The following POFUT4 variants were observed in gnomAD, a reference collection of about 807,000 sequenced individuals.
POFUT4 encodes the protein GDP-fucose protein O-fucosyltransferase 4.
the POFUT4 span, chr10:73,775,818 C>G: frequency 1.0e-6 from 1 of 961,456 alleles, no homozygotes. Flanking sequence ...CCAGTTTTAT[C>G]TATTAAGATT....
the POFUT4 span, among the ~76,000 whole-genome samples, chr10:73,776,749 G>A: frequency 6.6e-6 from 1 of 152,006 alleles, no homozygotes; most frequent in Non-Finnish European, 1.5e-5. Context: ...GCATGATCTC[G>A]GGTCACTGCA....
At chr10:73,774,634 A>G in the POFUT4 span, 9 of 152,186 alleles carry the variant, frequency 5.9e-5, no homozygotes, top group African/African-American at 1.7e-4. Flanking sequence ...TAGGAGTTCA[A>G]TGCTGTAGTG....
the POFUT4 span, among the ~76,000 whole-genome samples, chr10:73,776,383 A>ATT: frequency 2.2e-5 from 3 of 138,426 alleles, no homozygotes; most frequent in South Asian, 2.3e-4. Context: ...CCCAGCCCTA[A>ATT]TTTTTTTTTT....
chr10:73,777,835 G>A, the POFUT4 span, among the ~76,000 whole-genome samples: 94 of 151,130 alleles, frequency 6.2e-4, no homozygotes, highest in Middle Eastern at 3.5e-3. Context: ...GATTACAGGC[G>A]TGAGCCACCG....
At chr10:73,776,349 G>C in the POFUT4 span, 2 of 151,786 alleles carry the variant, frequency 1.3e-5, no homozygotes, top group Admixed American at 1.3e-4. Flanking sequence ...CAGAGTGCTG[G>C]GTTTACAGGC....
chr10:73,773,237 G>C, the POFUT4 span: 3 of 1,613,560 alleles, frequency 1.9e-6, no homozygotes, highest in African/African-American at 1.3e-5. Flanking sequence ...TGCCTACCGC[G>C]CGGCTACAGG....
the POFUT4 span, chr10:73,775,550 G>T: frequency 6.2e-7 from 1 of 1,614,224 alleles, no homozygotes; most frequent in Non-Finnish European, 8.5e-7. Flanking sequence ...GTTGGAAAGA[G>T]ATGTGGCTGC....
chr10:73,773,675 G>C, the POFUT4 span: 1 of 1,614,230 alleles, frequency 6.2e-7, no homozygotes, highest in Admixed American at 1.7e-5. Context: ...AACTGGCTCG[G>C]CTGGATGCCG....
the POFUT4 span, chr10:73,773,173 T>C: frequency 6.3e-7 from 1 of 1,594,602 alleles, no homozygotes; most frequent in Non-Finnish European, 8.5e-7. Flanking sequence ...ATGACAGCCT[T>C]ACTGTACCCG....
the POFUT4 span, chr10:73,773,945 G>T: frequency 2.9e-6 from 3 of 1,027,204 alleles, no homozygotes; most frequent in South Asian, 3.4e-5. Flanking sequence ...TGTATTTAAG[G>T]TGTCAACAGT....
chr10:73,776,830 C>A, the POFUT4 span, among the ~76,000 whole-genome samples: 1 of 152,128 alleles, frequency 6.6e-6, no homozygotes, highest in Non-Finnish European at 1.5e-5. Flanking sequence ...CAGGCATGCA[C>A]CACCACGCCC....
the POFUT4 span, chr10:73,773,614 C>T: frequency 6.2e-7 from 1 of 1,614,236 alleles, no homozygotes; most frequent in Non-Finnish European, 8.5e-7. Flanking sequence ...GTGAATGATC[C>T]TTTGCTGCCT....
chr10:73,779,757 TA>T, the POFUT4 span: 2 of 152,294 alleles, frequency 1.3e-5, no homozygotes, highest in African/African-American at 4.8e-5. Flanking sequence ...AAGTGATGGT[TA>T]AGCAAGGTGT....
the POFUT4 span, chr10:73,779,332 G>A: frequency 6.5e-6 from 1 of 152,926 alleles, no homozygotes; most frequent in African/African-American, 2.4e-5. Context: ...GGGAGGCCAA[G>A]GCAGGCAGAC....
the POFUT4 span, among the ~76,000 whole-genome samples, chr10:73,777,243 A>C: frequency 1.3e-5 from 2 of 152,124 alleles, no homozygotes; most frequent in African/African-American, 4.8e-5. Context: ...TTTTTCTTTA[A>C]ATGATTTTGA....
the POFUT4 span, chr10:73,774,043 A>G: frequency 1.9e-6 from 1 of 534,296 alleles, no homozygotes; most frequent in Admixed American, 3.7e-5. Context: ...TTATGTGAAC[A>G]ATGTTTCCAG....
the POFUT4 span, among the ~76,000 whole-genome samples, chr10:73,778,569 G>A: frequency 6.6e-6 from 1 of 152,064 alleles, no homozygotes; most frequent in African/African-American, 2.4e-5. Flanking sequence ...GTATTAGTGA[G>A]TTATCACTAG....
chr10:73,773,513 T>A, the POFUT4 span: 1 of 1,614,238 alleles, frequency 6.2e-7, no homozygotes, highest in Admixed American at 1.7e-5. Context: ...ACAAGAATGA[T>A]GAGGAGTATA....
the POFUT4 span, chr10:73,775,351 T>C: frequency 7.3e-7 from 1 of 1,363,856 alleles, no homozygotes; most frequent in Non-Finnish European, 1.0e-6. Context: ...GATGTCTTTG[T>C]GTTTGTGACT....
Sources: gnomAD v4.1 joint callset for allele counts (sites outside exome capture counted in the v4.1 genomes callset) on GRCh38, gnomAD v4.1.1 for gene constraint, MANE v1.5 for transcripts, NCBI Gene and HGNC (gene_info 2026-07-23, HGNC 2026-07-21) for gene names.